Variants in WAC observed in about 807,000 individuals in gnomAD.
WAC encodes WW domain containing adaptor with coiled-coil.
WAC carries 11 observed loss-of-function variants against 79.6 expected under a neutral mutation model. The ratio of observed to expected loss-of-function variants is 0.14; its 90% CI spans 0.09 to 0.23. The LOEUF (loss-of-function observed/expected upper bound fraction) is 0.23, where lower values mean the gene tolerates loss of function less well. Among genes scored for constraint, WAC ranks in the 10% least tolerant of loss-of-function variants. The pLI is 1.00. For missense variants in WAC, 728 were observed against 773.5 expected, an observed-to-expected ratio of 0.94 and a Z score of 0.70; for synonymous variants, 304 against 276.9, an observed-to-expected ratio of 1.10 and a Z score of -0.97.
At chr10:28,538,820 T>C (rs114160450) in intron 3 of WAC, among the ~76,000 whole-genome samples, 6 of 146,416 alleles carry the variant, frequency 4.1e-5, no homozygotes, top group Non-Finnish European at 8.9e-5. Context: ...GCTGTGGTTG[T>C]GCCACCACAC....
intron 7 of WAC, among the ~76,000 whole-genome samples, chr10:28,603,961 G>A (rs28608713): frequency 2.7e-3 from 56 of 20,846 alleles, no homozygotes; most frequent in African/African-American, 8.6e-3. Context: ...ATGTATGTAT[G>A]TATATATATA....
intron 2 of WAC, chr10:28,535,254 AT>A (rs1303216650): frequency 2.0e-5 from 4 of 202,108 alleles, no homozygotes; most frequent in Non-Finnish European, 3.9e-5. Context: ...CTATCAAAAA[AT>A]GATTCTAAAT....
chr10:28,599,992 C>G (rs769637570), intron 7 of WAC, among the ~76,000 whole-genome samples: 7 of 152,172 alleles, frequency 4.6e-5, no homozygotes, highest in Non-Finnish European at 1.0e-4. Context: ...CTAACTCTGC[C>G]ATCCCTTCTA....
At chr10:28,593,082 A>G (rs148742136) in intron 6 of WAC, among the ~76,000 whole-genome samples, 56 of 152,330 alleles carry the variant, frequency 3.7e-4, no homozygotes, top group African/African-American at 1.2e-3. Context: ...AGATAGGCAA[A>G]TGATGAGTCA....
At chr10:28,595,670 G>A in intron 6 of WAC, 63 bp from the exon 7 acceptor site, 5 of 1,488,788 alleles carry the variant, frequency 3.4e-6, no homozygotes, top group Admixed American at 1.8e-5. Flanking sequence ...GGATTCTAAT[G>A]TAATCTTTTT....
chr10:28,614,110 CT>C (rs879655919), intron 10 of WAC, among the ~76,000 whole-genome samples: 231 of 146,372 alleles, frequency 1.6e-3, no homozygotes, highest in African/African-American at 1.7e-3. Flanking sequence ...GAACTAGTTA[CT>C]TTTTTTTTTT....
At chr10:28,609,757 C>A (rs1016948278) in intron 8 of WAC, among the ~76,000 whole-genome samples, 2 of 152,000 alleles carry the variant, frequency 1.3e-5, no homozygotes, top group African/African-American at 4.8e-5. Flanking sequence ...GCCTGTAGTT[C>A]CAGCTACTTG....
chr10:28,560,621 A>G (rs4749328), intron 3 of WAC, among the ~76,000 whole-genome samples: 34,289 of 152,050 alleles, frequency 0.23, 4,696 homozygotes, highest in Non-Finnish European at 0.28. Context: ...GGAATTTAAA[A>G]CCGTGAAACT....
At position 28,540,338 on chromosome 10, in the gene WAC, G is replaced by C. The variant is rs371300418; in HGVS notation, c.274+4581G>C. On this transcript the variant is annotated intron_variant, in intron 3 of 13. Coordinates refer to ENST00000354911, the MANE Select transcript of WAC (RefSeq NM_016628.5). ...GTATGCTGTCAGAGATTAAACACTT[G>C]GGTATTGAAAGCTTATTTGGTGGTG... Among the ~76,000 whole-genome samples the C allele has an allele frequency of 2.6e-5, 4 of 152,220 alleles. No homozygotes were observed. In the East Asian group the frequency reaches 5.8e-4, roughly 22 times the overall value.
rs1840036804 is a variant in WAC at position 28,590,653 on chromosome 10, C to G, written c.498-67C>G. The G allele has an allele frequency of 1.4e-5, 19 of 1,318,100 alleles. No individual in the cohort carries two copies. The South Asian group carries it at 2.5e-4, about 17-fold the overall frequency. The allele number at this position is 1,318,100 out of a possible 1,614,324, so 81.7% of individuals were successfully genotyped here. ...CCATTTGTTAGGCATTTGGCCAGAG[C>G]TGTTTAGTATGGAAACTCATGCCCT... On this transcript the variant is annotated intron_variant, in intron 5 of 13. Transcript: ENST00000354911.
At chr10:28,544,655 A>G (rs1346705144) in intron 3 of WAC, among the ~76,000 whole-genome samples, 2 of 152,210 alleles carry the variant, frequency 1.3e-5, no homozygotes, top group Non-Finnish European at 2.9e-5. Flanking sequence ...CATGCTGGAC[A>G]GTTTGCCAAA....
intron 5 of WAC, among the ~76,000 whole-genome samples, chr10:28,590,270 CCACTACACTCT>C (rs1840017145): frequency 7.0e-6 from 1 of 143,140 alleles, no homozygotes; most frequent in South Asian, 2.2e-4. Flanking sequence ...CATCATGGTG[CCACTACACTCT>C]AGCCTGAGCA....
chr10:28,563,127 A>G (rs1838389476), intron 3 of WAC, among the ~76,000 whole-genome samples: 1 of 151,992 alleles, frequency 6.6e-6, no homozygotes, highest in African/African-American at 2.4e-5. Context: ...GTGGTCTCGA[A>G]CTCCTGACCT....
chr10:28,545,068 G>A (rs1564375437), intron 3 of WAC, among the ~76,000 whole-genome samples: 1 of 148,156 alleles, frequency 6.7e-6, no homozygotes, highest in Non-Finnish European at 1.5e-5. Flanking sequence ...AAATGGTAGT[G>A]CAAGTTTAGA....
intron 1 of WAC, 73 bp downstream of exon 1, chr10:28,533,693 G>A: frequency 6.7e-7 from 1 of 1,488,872 alleles, no homozygotes; most frequent in Non-Finnish European, 9.1e-7. Flanking sequence ...TCCTTATCTG[G>A]AGCTGGCCGG....
chr10:28,533,835 C>A, intron 1 of WAC, 163 bp from the exon 2 acceptor site: 2 of 1,027,828 alleles, frequency 1.9e-6, no homozygotes, highest in South Asian at 1.6e-5. Context: ...CCTCTCCGGC[C>A]CTTCCGGAGG....
chr10:28,569,450 T>C (rs1443718148), intron 3 of WAC, among the ~76,000 whole-genome samples: 6 of 152,262 alleles, frequency 3.9e-5, no homozygotes, highest in African/African-American at 9.6e-5. Flanking sequence ...AATTATATTT[T>C]TGCCAGTCTG....
chr10:28,542,064 C>A (rs764615025), intron 3 of WAC, among the ~76,000 whole-genome samples: 1 of 152,164 alleles, frequency 6.6e-6, no homozygotes, highest in African/African-American at 2.4e-5. Context: ...CTACTATCTT[C>A]CCCTTGTTTG....
At chr10:28,536,860 C>T (rs886378405) in intron 3 of WAC, among the ~76,000 whole-genome samples, 2 of 152,224 alleles carry the variant, frequency 1.3e-5, no homozygotes, top group Non-Finnish European at 2.9e-5. Context: ...GATAACATAT[C>T]TTAAGCAGAT....
Sources: allele counts gnomAD v4.1 joint callset (sites outside exome capture counted in the v4.1 genomes callset), GRCh38; gene constraint gnomAD v4.1.1; transcripts MANE v1.5; gene names NCBI Gene and HGNC (gene_info 2026-07-23, HGNC 2026-07-21).